RERGL: variants seen among roughly 807,000 people sequenced by gnomAD.
RERGL encodes RERG like, also known as ras-related and estrogen-regulated growth inhibitor-like protein.
Under a neutral mutation model 24.7 loss-of-function variants are expected in RERGL, and 22 were observed. The ratio of observed to expected loss-of-function variants is 0.89; its 90% CI spans 0.64 to 1.27. The LOEUF (loss-of-function observed/expected upper bound fraction) is 1.27. RERGL is among the 50% of genes most tolerant of loss of function. RERGL has a pLI of 0.00. For missense variants in RERGL, 259 were observed against 235.3 expected (o/e 1.10, Z -0.66); for synonymous variants, 76 against 82.6 (o/e 0.92, Z 0.43).
At chr12:18,086,803 G>A (rs1275678173) in intron 2 of RERGL, among the ~76,000 whole-genome samples, 4 of 151,942 alleles carry the variant, frequency 2.6e-5, no homozygotes, top group Admixed American at 6.6e-5. Context: ...CCTGAACTCC[G>A]GACACAAATA....
At position 18,088,843 on chromosome 12, in the gene RERGL, G is replaced by A. The variant is rs191588797; in HGVS notation, c.109+57C>T. 28 of 1,048,132 alleles carry A rather than the reference G, an allele frequency of 2.7e-5. No homozygotes were observed. In the Admixed American group the frequency reaches 4.0e-4, roughly 15 times the overall value. 64.9% of individuals were successfully genotyped at this position (1,048,132 alleles called of 1,614,324 possible). On this transcript the variant is annotated intron_variant, in intron 2 of 4. Transcript: ENST00000538724. ...CAAAATGCATCTCTGTACTTAAGTG[G>A]GATTTAATTACGATGTTAAAAGTTT... is the stretch of plus-strand genomic sequence containing the variant.
chr12:18,090,082 C>G lies in RERGL; in HGVS notation c.52+7G>C, dbSNP rs1407451105. On this transcript the variant is annotated splice_region_variant and intron_variant, in intron 1 of 4. Transcript: ENST00000538724. ...TCTATGATAACAGAGAAGATGTCAC[C>G]ACTCACCAGATTTGCCTGTTCCTTC... The G allele has an allele frequency of 1.3e-5, 20 of 1,530,708 alleles. No homozygotes were observed. Among genetic ancestry groups the G allele is most frequent in the Non-Finnish European group, 1.7e-5 (20 of 1,144,400 alleles). The allele number at this position is 1,530,708 out of a possible 1,614,324, so 94.8% of individuals were successfully genotyped here. A position where few individuals can be genotyped will look rare whatever the true frequency, so the allele number is the denominator to read the frequency against.
chr12:18,087,215 A>G (rs1947229023), intron 2 of RERGL, among the ~76,000 whole-genome samples: 1 of 152,134 alleles, frequency 6.6e-6, no homozygotes, highest in African/African-American at 2.4e-5. Context: ...ACACAGAAGT[A>G]AAAGTGAACC....
At position 18,083,806 on chromosome 12, in the gene RERGL, C is replaced by T. The variant is rs529222074; in HGVS notation, c.332+711G>A. On this transcript the variant is annotated intron_variant, in intron 4 of 4. Coordinates refer to ENST00000538724, the MANE Select transcript of RERGL (RefSeq NM_001286201.2). ...CTAAGGGCAAAACTGGTTAAAAGCACAAAGACTCTTTTACAATCAGCATGT... is the reference window on the plus strand; with the variant it reads ...CTAAGGGCAAAACTGGTTAAAAGCATAAAGACTCTTTTACAATCAGCATGT... 2.6e-5 allele frequency among the ~76,000 whole-genome samples: 4 copies of T among 152,172 alleles called. No homozygotes were observed. In the East Asian group the frequency reaches 5.8e-4, roughly 22 times the overall value.
chr12:18,089,670 A>G (rs141682365), intron 1 of RERGL, among the ~76,000 whole-genome samples: 1,700 of 151,926 alleles, frequency 0.011, 16 homozygotes, highest in Middle Eastern at 0.052. Flanking sequence ...CAATCCACAA[A>G]CCTCCAAACA....
At chr12:18,083,684 A>G (rs1591709790) in intron 4 of RERGL, among the ~76,000 whole-genome samples, 1 of 152,258 alleles carries the variant, frequency 6.6e-6, no homozygotes, top group Non-Finnish European at 1.5e-5. Context: ...ATTTCTTTAT[A>G]GTGGGCATTT....
At chr12:18,085,564 T>C in intron 3 of RERGL, 56 bp downstream of exon 3, 2 of 1,205,858 alleles carry the variant, frequency 1.7e-6, no homozygotes, top group South Asian at 1.3e-5. Context: ...AAATCATAAT[T>C]GCTAAAAAAT....
rs1947200696 is a variant in RERGL, at chr12:18,084,531, A to AG, written c.317dup (p.Ser107Ter). On this transcript the variant is annotated frameshift_variant, in exon 4 of 5. Transcript: ENST00000538724. LOFTEE classifies it high-confidence loss of function. ...AAATACCTTACCTTTTACAATGACT[A>AG]GTTTGTGGCTCCCGGATTCTGTAGA... 2 of 1,605,282 alleles carry AG rather than the reference A, an allele frequency of 1.2e-6. No homozygotes were observed. Among genetic ancestry groups the AG allele is most frequent in the African/African-American group, 2.7e-5 (2 of 74,388 alleles).
rs1947204422 is a variant in RERGL, at chr12:18,084,766, C to T, written c.184-101G>A. 7 of 848,540 alleles carry T rather than the reference C, an allele frequency of 8.2e-6. No homozygotes were observed. In the South Asian group the frequency reaches 1.5e-4, roughly 18 times the overall value. 52.6% of individuals were successfully genotyped at this position (848,540 alleles called of 1,614,324 possible). On this transcript the variant is annotated intron_variant, in intron 3 of 4. Coordinates refer to ENST00000538724, the MANE Select transcript of RERGL (RefSeq NM_001286201.2). Reference sequence around the variant, plus strand: ...GGAGACCCACTTCCGCTGGAAGATACATCAATGTGTTAAATATTGATATTT... The same window carrying T: ...GGAGACCCACTTCCGCTGGAAGATATATCAATGTGTTAAATATTGATATTT...
rs1005882573 is a variant in RERGL, at chr12:18,089,491, C to A, written c.53-535G>T. 4.6e-6 allele frequency: 3 copies of A among 648,952 alleles called. No homozygotes were observed. In the African/African-American group the frequency reaches 5.7e-5, roughly 12 times the overall value. The allele number at this position is 648,952 out of a possible 1,614,324, so 40.2% of individuals were successfully genotyped here. ...CTATGATTCTTTAGGCTCAAGTGAC[C>A]CTATTGGTAGCATGTCACCATTATA... On this transcript the variant is annotated intron_variant, in intron 1 of 4. Transcript: ENST00000538724.
rs775287916 is a variant in RERGL at position 18,084,623 on chromosome 12, C to A, written c.226G>T (p.Ala76Ser). The A allele has an allele frequency of 3.1e-6, 5 of 1,610,986 alleles. No homozygotes were observed. Among genetic ancestry groups the A allele is most frequent in the Middle Eastern group, 1.7e-4 (1 of 6,052 alleles). ...KFSLTSELHWADGFVIVYDIS... is the reference protein window; with the variant it reads ...KFSLTSELHWSDGFVIVYDIS... ...TCATACACAATAACAAACCCATCTGCCCAGTGAAGCTCACTTGTGAGGGAG... is the reference window on the plus strand; with the variant it reads ...TCATACACAATAACAAACCCATCTGACCAGTGAAGCTCACTTGTGAGGGAG... The change falls in exon 4 of 5, where the codon GCA (alanine) becomes TCA (serine). Residue 76 changes from alanine (A) to serine (S), a missense_variant. Coordinates refer to ENST00000538724, the MANE Select transcript of RERGL (RefSeq NM_001286201.2).
intron 1 of RERGL, 51 bp downstream of exon 1, chr12:18,090,038 T>C: frequency 7.3e-7 from 1 of 1,363,082 alleles, no homozygotes; most frequent in Non-Finnish European, 9.8e-7. Flanking sequence ...CATGTCAATG[T>C]TTCTCACTCT....
intron 1 of RERGL, 92 bp from the exon 2 acceptor site, chr12:18,089,048 A>T: frequency 8.4e-7 from 1 of 1,192,038 alleles, no homozygotes; most frequent in Admixed American, 2.1e-5. Context: ...TTAAACCAAA[A>T]ATATTCAAGA....
chr12:18,090,148 T>C lies in RERGL; in HGVS notation c.-8A>G, dbSNP rs898992770. 16 of 1,531,364 alleles carry C rather than the reference T, an allele frequency of 1.0e-5. No homozygotes were observed. The Middle Eastern group carries it at 1.2e-3, about 112-fold the overall frequency. 94.9% of individuals were successfully genotyped at this position (1,531,364 alleles called of 1,614,324 possible). On this transcript the variant is annotated 5_prime_UTR_variant, in exon 1 of 5. Coordinates refer to ENST00000538724, the MANE Select transcript of RERGL (RefSeq NM_001286201.2). ...AAGCTTCACATCATTCATCTTGCTT[T>C]TCTGCTTCTTGGTCAGTCCTATTTT...
rs761679322 is a variant in RERGL at position 18,081,329 on chromosome 12, C to T, written c.477G>A (p.Glu159=). Residue 159 remains glutamate (E), a synonymous_variant, in exon 5 of 5, where the codon GAG becomes GAA. Coordinates refer to ENST00000538724, the MANE Select transcript of RERGL (RefSeq NM_001286201.2). ...CELSAAEQSL[E]VEMMFIRIIK... ...TAATTCTGATAAACATCATTTCCACCTCCAGAGACTGCTCTGCTGCAGACA... is the reference window on the plus strand; with the variant it reads ...TAATTCTGATAAACATCATTTCCACTTCCAGAGACTGCTCTGCTGCAGACA... 4 of 1,613,942 alleles carry T rather than the reference C, an allele frequency of 2.5e-6. No individual in the cohort carries two copies. The highest frequency in any genetic ancestry group is 3.4e-6 in the Non-Finnish European group (4 of 1,179,982).
In RERGL at chr12:18,084,584, A is replaced by G. The variant is rs766243721; in HGVS notation, c.265T>C (p.Ser89Pro). ...AGCGCTTTTGCAAAAGCAAATGAAG[A>G]CCTATCACTGATGTCATACACAATA... ...FVIVYDISDR[S>P]SFAFAKALIY... The change falls in exon 4 of 5, where the codon TCT (serine) becomes CCT (proline). Residue 89 changes from serine (S) to proline (P), a missense_variant. Ser to Pro is a moderately conservative substitution (Grantham distance 74, BLOSUM62 -1). Coordinates refer to ENST00000538724, the MANE Select transcript of RERGL (RefSeq NM_001286201.2). The G allele has an allele frequency of 1.9e-6, 3 of 1,613,154 alleles. No homozygotes were observed. The highest frequency in any genetic ancestry group is 2.5e-6 in the Non-Finnish European group (3 of 1,179,586).
chr12:18,089,370 T>C (rs914529522), intron 1 of RERGL: 4 of 1,419,608 alleles, frequency 2.8e-6, no homozygotes, highest in Non-Finnish European at 3.7e-6. Flanking sequence ...TTGCAGTTAT[T>C]TAAGGATGTA....
chr12:18,089,256 T>C, intron 1 of RERGL: 1 of 1,608,352 alleles, frequency 6.2e-7, no homozygotes, highest in Non-Finnish European at 8.5e-7. Context: ...GATTTCTCAT[T>C]ATATTTGAGA....
chr12:18,084,388 A>T, intron 4 of RERGL, 129 bp downstream of exon 4: 1 of 709,892 alleles, frequency 1.4e-6, no homozygotes, highest in Non-Finnish European at 2.2e-6. Context: ...CCTGTGGAAT[A>T]GGAAGGTGAA....
Sources: allele counts gnomAD v4.1 joint callset (sites outside exome capture counted in the v4.1 genomes callset), GRCh38; gene constraint gnomAD v4.1.1; transcripts MANE v1.5; gene names NCBI Gene and HGNC (gene_info 2026-07-23, HGNC 2026-07-21).